Variants in TFEC observed in about 807,000 individuals in gnomAD.
The protein encoded by TFEC is class E basic helix-loop-helix protein 34.
In TFEC, 31 loss-of-function variants were observed where a neutral mutation model predicts 41.6. The observed-to-expected ratio is 0.74, with a 90% CI of 0.56 to 1.01. TFEC has a LOEUF of 1.01. Ranked by LOEUF, TFEC falls within the 50% of genes least tolerant of loss-of-function variation. The pLI is 0.00. For missense variants in TFEC, 402 were observed against 404.1 expected, an observed-to-expected ratio of 0.99 and a Z score of 0.04; for synonymous variants, 143 against 140.6, an observed-to-expected ratio of 1.02 and a Z score of -0.12.
At chr7:116,083,282 G>T (rs972655790) in intron 3 of TFEC, among the ~76,000 whole-genome samples, 7 of 151,594 alleles carry the variant, frequency 4.6e-5, no homozygotes, top group African/African-American at 1.7e-4. Context: ...TATTTTGTAA[G>T]TATCCAAGTG....
intron 1 of TFEC, among the ~76,000 whole-genome samples, chr7:115,998,894 C>A (rs1242491857): frequency 6.6e-6 from 1 of 151,926 alleles, no homozygotes; most frequent in Non-Finnish European, 1.5e-5. Context: ...CTAGAAACTT[C>A]AATACCCCAC....
At chr7:116,115,597 C>T (rs975555399) in intron 1 of TFEC, among the ~76,000 whole-genome samples, 1 of 151,838 alleles carries the variant, frequency 6.6e-6, no homozygotes, top group African/African-American at 2.4e-5. Context: ...GCTTTGGGTT[C>T]ACCAAAGATA....
intron 1 of TFEC, among the ~76,000 whole-genome samples, chr7:116,118,429 T>C (rs993669289): frequency 2.0e-5 from 3 of 151,848 alleles, no homozygotes; most frequent in African/African-American, 4.8e-5. Context: ...TAAAAAATAA[T>C]GAGCTCATTG....
intron 1 of TFEC, among the ~76,000 whole-genome samples, chr7:116,016,628 A>T (rs1025744075): frequency 7.9e-5 from 12 of 152,026 alleles, no homozygotes; most frequent in African/African-American, 2.7e-4. Context: ...TTCCAAAGTT[A>T]TGTTTCTGCT....
At chr7:115,979,833 T>A (rs868740316) in intron 2 of TFEC, among the ~76,000 whole-genome samples, 25 of 152,304 alleles carry the variant, frequency 1.6e-4, no homozygotes, top group Middle Eastern at 6.8e-3. Flanking sequence ...GCATCAACAT[T>A]ACCCCTGAGT....
At chr7:116,123,400 T>A (rs1273102205) in intron 1 of TFEC, among the ~76,000 whole-genome samples, 2 of 152,162 alleles carry the variant, frequency 1.3e-5, no homozygotes, top group African/African-American at 4.8e-5. Context: ...TTACCTTTAA[T>A]CTTTGCAATT....
At chr7:116,039,877 A>T (rs1361804258) in intron 3 of TFEC, among the ~76,000 whole-genome samples, 19 of 152,112 alleles carry the variant, frequency 1.2e-4, no homozygotes, top group Non-Finnish European at 1.5e-5. Flanking sequence ...GTTTGAATTT[A>T]TAATTTTTGG....
intron 1 of TFEC, among the ~76,000 whole-genome samples, chr7:116,018,143 T>A (rs1225679452): frequency 6.6e-6 from 1 of 152,188 alleles, no homozygotes; most frequent in South Asian, 2.1e-4. Flanking sequence ...TCTTTTAATC[T>A]CCCCAACAGC....
rs576405287 is a variant in TFEC at position 116,122,009 on chromosome 7, G to GGTGCCC, written c.-68-9977_-68-9972dup. ...GGTAACAAATGTATAGCTGTAGCTA[G>GGTGCCC]GTGCCCAGAATTTCTTCTCTACAGG... On this transcript the variant is annotated intron_variant, in intron 1 of 8. Transcript: ENST00000484212. Among the ~76,000 whole-genome samples, 197 of 152,190 alleles carry GGTGCCC rather than the reference G, an allele frequency of 1.3e-3. 4 individuals carry two copies. The East Asian group carries it at 0.034, about 27-fold the overall frequency.
chr7:115,952,526 G>A (rs925717553), intron 5 of TFEC, among the ~76,000 whole-genome samples: 16 of 151,974 alleles, frequency 1.1e-4, no homozygotes, highest in African/African-American at 3.9e-4. Context: ...ATAAGGGACT[G>A]TTTTTGTCCT....
chr7:115,980,134 C>T (rs1368483970), intron 2 of TFEC, among the ~76,000 whole-genome samples: 4 of 152,102 alleles, frequency 2.6e-5, no homozygotes, highest in East Asian at 1.9e-4. Flanking sequence ...ATGCATTTTT[C>T]TCAGCTTCAC....
chr7:116,149,640 A>T (rs1406202944), intron 1 of TFEC, among the ~76,000 whole-genome samples: 1 of 152,192 alleles, frequency 6.6e-6, no homozygotes, highest in Non-Finnish European at 1.5e-5. Context: ...GGAGAAAATT[A>T]GTATCATTGA....
At chr7:115,946,054 T>C (rs2130268460) in intron 6 of TFEC, among the ~76,000 whole-genome samples, 1 of 151,930 alleles carries the variant, frequency 6.6e-6, no homozygotes, top group Admixed American at 6.6e-5. Context: ...ATAAAGTTTT[T>C]ATTAAAATTT....
At chr7:116,057,887 A>C (rs1489575078) in intron 3 of TFEC, among the ~76,000 whole-genome samples, 1 of 151,826 alleles carries the variant, frequency 6.6e-6, no homozygotes, top group Non-Finnish European at 1.5e-5. Context: ...AATTATAGTA[A>C]GTAAGCCAAC....
At chr7:116,032,290 T>G (rs1396810991), upstream of TFEC, among the ~76,000 whole-genome samples, 1 of 152,124 alleles carries the variant, frequency 6.6e-6, no homozygotes, top group Non-Finnish European at 1.5e-5. Context: ...TTCCTCTATC[T>G]AAAACCAGAA....
intron 1 of TFEC, among the ~76,000 whole-genome samples, chr7:116,028,480 G>T (rs1297000575): frequency 2.0e-5 from 3 of 152,112 alleles, no homozygotes; most frequent in African/African-American, 7.2e-5. Flanking sequence ...CATTCCTACT[G>T]CTCTATGCCT....
intron 1 of TFEC, among the ~76,000 whole-genome samples, chr7:116,132,419 A>G (rs904256724): frequency 6.6e-6 from 1 of 152,200 alleles, no homozygotes; most frequent in Non-Finnish European, 1.5e-5. Context: ...AAAAGATCAA[A>G]GCTTAGAATA....
chr7:115,941,048 A>C, intron 7 of TFEC, 117 bp from the exon 8 acceptor site: 1 of 911,338 alleles, frequency 1.1e-6, no homozygotes, highest in Non-Finnish European at 1.6e-6. Flanking sequence ...GAGTAATACA[A>C]TACAAATTAT....
At chr7:115,942,406 C>T (rs1562875305) in intron 6 of TFEC, among the ~76,000 whole-genome samples, 1 of 151,948 alleles carries the variant, frequency 6.6e-6, no homozygotes, top group Non-Finnish European at 1.5e-5. Context: ...AGGAAATGTA[C>T]ATTACTGAGG....
Sources: gnomAD v4.1 joint callset for allele counts (sites outside exome capture counted in the v4.1 genomes callset) on GRCh38, gnomAD v4.1.1 for gene constraint, MANE v1.5 for transcripts, NCBI Gene and HGNC (gene_info 2026-07-23, HGNC 2026-07-21) for gene names.